The following ADAMTSL1 variants were observed in gnomAD, a reference collection of about 807,000 sequenced individuals.
ADAMTSL1 encodes ADAMTS like 1, also known as ADAMTS-like protein 1.
Under a neutral mutation model 201.8 loss-of-function variants are expected in ADAMTSL1, and 126 were observed. The observed-to-expected ratio is 0.62, with a 90% CI of 0.54 to 0.72. ADAMTSL1 has a LOEUF of 0.72. ADAMTSL1 is among the 30% of genes least tolerant of loss of function. ADAMTSL1 has a pLI of 0.00. For missense variants in ADAMTSL1, 2,679 were observed against 2,277.8 expected (o/e 1.18, Z -3.59); for synonymous variants, 1,121 against 903.4 (o/e 1.24, Z -4.32).
intron 2 of ADAMTSL1, among the ~76,000 whole-genome samples, chr9:18,390,269 A>G (rs568951729): frequency 2.0e-5 from 3 of 152,264 alleles, no homozygotes; most frequent in African/African-American, 4.8e-5. Flanking sequence ...TGTTACAGAA[A>G]CCAAGAGGTA....
At chr9:18,074,202 C>G (rs950114991) in intron 1 of ADAMTSL1, among the ~76,000 whole-genome samples, 2 of 152,150 alleles carry the variant, frequency 1.3e-5, no homozygotes, top group Non-Finnish European at 2.9e-5. Flanking sequence ...TAATGACAGG[C>G]AAGCCAGGCT....
At chr9:17,983,055 C>CT (rs1563932791) in intron 1 of ADAMTSL1, among the ~76,000 whole-genome samples, 1 of 84,980 alleles carries the variant, frequency 1.2e-5, no homozygotes, top group Non-Finnish European at 2.5e-5. Context: ...TTTTCTTTTT[C>CT]TTTTCTTTCT....
At chr9:17,960,070 A>T (rs1010456824) in intron 1 of ADAMTSL1, among the ~76,000 whole-genome samples, 9 of 152,154 alleles carry the variant, frequency 5.9e-5, no homozygotes, top group African/African-American at 2.2e-4. Context: ...TCTAAGGCTG[A>T]TTTCTGGCTT....
chr9:18,885,548 G>A (rs1456852623), intron 23 of ADAMTSL1, among the ~76,000 whole-genome samples: 2 of 152,198 alleles, frequency 1.3e-5, no homozygotes, highest in Admixed American at 1.3e-4. Flanking sequence ...AGAGGGGGAA[G>A]TATAACCGCT....
At chr9:18,020,375 G>A (rs181061030) in intron 1 of ADAMTSL1, among the ~76,000 whole-genome samples, 1 of 152,182 alleles carries the variant, frequency 6.6e-6, no homozygotes. Flanking sequence ...TTTATCCTGA[G>A]TGCTCTGCTT....
At chr9:18,141,185 T>C (rs577299160) in intron 1 of ADAMTSL1, among the ~76,000 whole-genome samples, 2 of 152,302 alleles carry the variant, frequency 1.3e-5, no homozygotes, top group East Asian at 1.9e-4. Context: ...GGACACGGTT[T>C]ACCTTCTCAA....
At chr9:18,228,431 T>C (rs561368869) in intron 2 of ADAMTSL1, among the ~76,000 whole-genome samples, 3 of 152,250 alleles carry the variant, frequency 2.0e-5, no homozygotes, top group Non-Finnish European at 4.4e-5. Context: ...TTTATTCTTA[T>C]TGGTTGATTG....
chr9:18,489,813 A>G (rs1822179635), intron 1 of ADAMTSL1, among the ~76,000 whole-genome samples: 1 of 152,198 alleles, frequency 6.6e-6, no homozygotes, highest in African/African-American at 2.4e-5. Context: ...TTATTTAATT[A>G]GACATAAAGA....
At chr9:18,894,220 C>T (rs1045526293) in intron 26 of ADAMTSL1, among the ~76,000 whole-genome samples, 1 of 152,216 alleles carries the variant, frequency 6.6e-6, no homozygotes, top group African/African-American at 2.4e-5. Flanking sequence ...CACAACGGCT[C>T]ATGCCGGTAA....
chr9:18,809,656 G>A (rs1203959894), intron 20 of ADAMTSL1, among the ~76,000 whole-genome samples: 2 of 152,112 alleles, frequency 1.3e-5, no homozygotes, highest in African/African-American at 4.8e-5. Flanking sequence ...GCATGTGGTG[G>A]TGCATGCCTG....
intron 1 of ADAMTSL1, among the ~76,000 whole-genome samples, chr9:17,982,300 G>T (rs1458397888): frequency 6.6e-6 from 1 of 152,056 alleles, no homozygotes; most frequent in African/African-American, 2.4e-5. Context: ...TTGTCAGATG[G>T]AAAGACTATG....
intron 1 of ADAMTSL1, among the ~76,000 whole-genome samples, chr9:18,127,437 G>A (rs1825779141): frequency 6.6e-6 from 1 of 151,136 alleles, no homozygotes; most frequent in Non-Finnish European, 1.5e-5. Flanking sequence ...CAAATGGAGT[G>A]TGTGGATCTG....
chr9:18,644,721 C>A (rs1032267561), intron 7 of ADAMTSL1, among the ~76,000 whole-genome samples: 14 of 152,012 alleles, frequency 9.2e-5, no homozygotes, highest in African/African-American at 3.1e-4. Context: ...ATGAACTCAT[C>A]ATTTTTTATG....
At chr9:18,082,060 G>A (rs934403437) in intron 1 of ADAMTSL1, among the ~76,000 whole-genome samples, 2 of 152,156 alleles carry the variant, frequency 1.3e-5, no homozygotes, top group Admixed American at 1.3e-4. Context: ...ATATTTTCCA[G>A]TGAAGTACTT....
intron 1 of ADAMTSL1, among the ~76,000 whole-genome samples, chr9:18,114,026 G>A (rs1375635520): frequency 1.3e-5 from 2 of 152,096 alleles, no homozygotes; most frequent in Non-Finnish European, 2.9e-5. Context: ...AGAAGCTTGA[G>A]ATAGATTAAG....
At chr9:18,815,133 A>G (rs1213996067) in intron 20 of ADAMTSL1, among the ~76,000 whole-genome samples, 2 of 152,206 alleles carry the variant, frequency 1.3e-5, no homozygotes, top group African/African-American at 4.8e-5. Context: ...TATAGCCATT[A>G]TGGAAAACAG....
At chr9:18,636,252 G>A (rs1288369710) in intron 6 of ADAMTSL1, among the ~76,000 whole-genome samples, 1 of 152,028 alleles carries the variant, frequency 6.6e-6, no homozygotes, top group African/African-American at 2.4e-5. Flanking sequence ...GCTCCCAATG[G>A]GTTGTTCATG....
intron 4 of ADAMTSL1, among the ~76,000 whole-genome samples, chr9:18,596,176 G>C (rs191130712): frequency 1.3e-5 from 2 of 152,280 alleles, no homozygotes; most frequent in African/African-American, 4.8e-5. Flanking sequence ...TTTTAAAAAA[G>C]TTCTGCCGTG....
chr9:18,457,140 A>G (rs1055943070), intron 2 of ADAMTSL1, among the ~76,000 whole-genome samples: 3 of 152,148 alleles, frequency 2.0e-5, no homozygotes, highest in African/African-American at 4.8e-5. Context: ...TATGCATTTT[A>G]TTTATATTAT....
Sources: gnomAD v4.1 joint callset for allele counts (sites outside exome capture counted in the v4.1 genomes callset) on GRCh38, gnomAD v4.1.1 for gene constraint, MANE v1.5 for transcripts, NCBI Gene and HGNC (gene_info 2026-07-23, HGNC 2026-07-21) for gene names.